Variants in PAPPA2 observed in about 807,000 individuals in gnomAD.
The protein encoded by PAPPA2 is pappalysin 2.
PAPPA2 carries 86 observed loss-of-function variants against 176.4 expected under a neutral mutation model. That is an observed-to-expected ratio of 0.49 (90% CI 0.41 to 0.58). The LOEUF is 0.58. Among genes scored for constraint, PAPPA2 ranks in the 20% least tolerant of loss-of-function variants. The pLI is 0.00. For missense variants in PAPPA2, 2,073 were observed against 2,256.9 expected (o/e 0.92, Z 1.65); for synonymous variants, 809 against 852.2 (o/e 0.95, Z 0.88).
intron 1 of PAPPA2, among the ~76,000 whole-genome samples, chr1:176,517,248 T>C (rs1648966713): frequency 6.6e-6 from 1 of 152,134 alleles, no homozygotes; most frequent in Non-Finnish European, 1.5e-5. Context: ...ATCAATCTGC[T>C]AAAAGACAGC....
intron 20 of PAPPA2, among the ~76,000 whole-genome samples, chr1:176,794,236 A>T (rs577467925): frequency 6.6e-6 from 1 of 152,194 alleles, no homozygotes; most frequent in Non-Finnish European, 1.5e-5. Context: ...AGCAACTGAC[A>T]TAAAAGGAAG....
In PAPPA2 at chr1:176,690,857, G is replaced by A. The variant is rs192745611; in HGVS notation, c.2431+427G>A. 1,240 of 988,836 alleles carry A rather than the reference G, an allele frequency of 1.3e-3. 2 individuals carry two copies. Among genetic ancestry groups the A allele is most frequent in the Non-Finnish European group, 1.4e-3 (1,208 of 833,860 alleles). 61.3% of individuals were successfully genotyped at this position (988,836 alleles called of 1,614,324 possible). A position where few individuals can be genotyped will look rare whatever the true frequency, so the allele number is the denominator to read the frequency against. On this transcript the variant is annotated intron_variant, in intron 5 of 22. Transcript: ENST00000367662. ...GGCCCATTGTACTGTTTTTGAAGTT[G>A]GTCAACAAGGTGGCTTGGTTAATTT...
At chr1:176,475,416 G>C (rs1269511156) in intron 1 of PAPPA2, among the ~76,000 whole-genome samples, 3 of 152,182 alleles carry the variant, frequency 2.0e-5, no homozygotes, top group African/African-American at 7.2e-5. Context: ...CCCAACATAA[G>C]TTGTTACTGG....
rs192840556 is a variant in PAPPA2, at chr1:176,533,990, T to G, written c.-916-21417T>G. ...GAATGTAAACTGTCTCATTAATCAT[T>G]TTTAAATGTTGACTTACATTTTGAA... On this transcript the variant is annotated intron_variant, in intron 1 of 22. Transcript: ENST00000367662. Among the ~76,000 whole-genome samples the G allele has an allele frequency of 5.3e-4, 81 of 152,378 alleles. No individual in the cohort carries two copies. The East Asian group carries it at 0.01, about 19-fold the overall frequency.
intron 3 of PAPPA2, among the ~76,000 whole-genome samples, chr1:176,603,822 C>A (rs537621073): frequency 4.6e-5 from 7 of 152,236 alleles, no homozygotes; most frequent in African/African-American, 1.7e-4. Flanking sequence ...TGCACTGTTG[C>A]CCCGAGTCTA....
intron 21 of PAPPA2, among the ~76,000 whole-genome samples, chr1:176,823,481 T>C (rs1197916491): frequency 6.6e-6 from 1 of 152,196 alleles, no homozygotes; most frequent in Non-Finnish European, 1.5e-5. Flanking sequence ...GGCTTATAAA[T>C]AGAAGAATAT....
intron 3 of PAPPA2, among the ~76,000 whole-genome samples, chr1:176,664,405 C>G (rs1374649615): frequency 1.5e-4 from 23 of 152,184 alleles, no homozygotes; most frequent in Admixed American, 1.2e-3. Flanking sequence ...GTAGCTGTCT[C>G]TGATCCTGTT....
intron 14 of PAPPA2, among the ~76,000 whole-genome samples, chr1:176,763,287 T>C (rs1358657557): frequency 6.6e-6 from 1 of 152,130 alleles, no homozygotes; most frequent in Non-Finnish European, 1.5e-5. Flanking sequence ...AGCAAGAAAA[T>C]ATCTTGCTAG....
At chr1:176,669,535 G>A (rs115973955) in intron 3 of PAPPA2, among the ~76,000 whole-genome samples, 72 of 152,248 alleles carry the variant, frequency 4.7e-4, no homozygotes, top group African/African-American at 1.5e-3. Context: ...AGCAGCAGGA[G>A]AACTATCCCC....
intron 2 of PAPPA2, among the ~76,000 whole-genome samples, chr1:176,558,139 A>G (rs1250203977): frequency 6.6e-6 from 1 of 152,176 alleles, no homozygotes; most frequent in African/African-American, 2.4e-5. Flanking sequence ...ATCATTTAGT[A>G]CCTTATCCTT....
At chr1:176,519,236 G>C (rs1649084511) in intron 1 of PAPPA2, among the ~76,000 whole-genome samples, 1 of 152,106 alleles carries the variant, frequency 6.6e-6, no homozygotes, top group South Asian at 2.1e-4. Context: ...CACATGAACA[G>C]GTAACTTCAA....
At chr1:176,683,695 C>A (rs561726448) in intron 4 of PAPPA2, among the ~76,000 whole-genome samples, 4 of 152,032 alleles carry the variant, frequency 2.6e-5, no homozygotes, top group Admixed American at 2.6e-4. Flanking sequence ...GACCCTGGTT[C>A]TCATCACAGG....
chr1:176,791,507 G>A, intron 19 of PAPPA2, 25 bp downstream of exon 19: 2 of 1,595,228 alleles, frequency 1.3e-6, no homozygotes, highest in Non-Finnish European at 1.7e-6. Flanking sequence ...GAATCTTAAA[G>A]TCAATTTCTA....
At chr1:176,557,765 A>G (rs932033948) in intron 2 of PAPPA2, among the ~76,000 whole-genome samples, 1 of 152,118 alleles carries the variant, frequency 6.6e-6, no homozygotes, top group Non-Finnish European at 1.5e-5. Flanking sequence ...CTTGGCAGAA[A>G]GGTGCCCTTT....
intron 1 of PAPPA2, among the ~76,000 whole-genome samples, chr1:176,497,087 C>T: frequency 6.6e-6 from 1 of 152,088 alleles, no homozygotes; most frequent in Middle Eastern, 3.2e-3. Flanking sequence ...CTTGCCTGTA[C>T]TTAGAAATAT....
intron 2 of PAPPA2, among the ~76,000 whole-genome samples, chr1:176,585,558 T>G (rs1389492952): frequency 6.6e-6 from 1 of 152,162 alleles, no homozygotes; most frequent in Non-Finnish European, 1.5e-5. Flanking sequence ...CACTATTATT[T>G]CATTAAATAG....
chr1:176,734,091 G>A (rs1280784912), intron 12 of PAPPA2, among the ~76,000 whole-genome samples: 1 of 152,094 alleles, frequency 6.6e-6, no homozygotes, highest in African/African-American at 2.4e-5. Context: ...TCATGAAAGA[G>A]GGGATGCAGC....
intron 1 of PAPPA2, among the ~76,000 whole-genome samples, chr1:176,469,092 G>A (rs1651759598): frequency 6.6e-6 from 1 of 152,088 alleles, no homozygotes; most frequent in South Asian, 2.1e-4. Context: ...ACACTCAGTC[G>A]CTTGCATGGT....
chr1:176,834,942 G>C (rs1667216067), intron 21 of PAPPA2, among the ~76,000 whole-genome samples: 2 of 152,164 alleles, frequency 1.3e-5, no homozygotes, highest in South Asian at 4.1e-4. Flanking sequence ...CTGCACTCCA[G>C]CCTGGGCCAC....
Sources: allele counts gnomAD v4.1 joint callset (sites outside exome capture counted in the v4.1 genomes callset), GRCh38; gene constraint gnomAD v4.1.1; transcripts MANE v1.5; gene names NCBI Gene and HGNC (gene_info 2026-07-23, HGNC 2026-07-21).